The following MYO1D variants were observed in gnomAD, a reference collection of about 807,000 sequenced individuals.
MYO1D encodes unconventional myosin-Id.
A neutral mutation model predicts 122.0 loss-of-function variants in MYO1D; 83 were observed. The observed-to-expected ratio is 0.68, with a 90% CI of 0.57 to 0.82. The LOEUF (loss-of-function observed/expected upper bound fraction) is 0.82, where lower values mean the gene tolerates loss of function less well. MYO1D is among the 40% of genes least tolerant of loss of function. MYO1D has a pLI of 0.00. For synonymous variants in MYO1D, 464 were observed against 446.9 expected (o/e 1.04, Z -0.48); for missense variants, 1,157 against 1,269.5 (o/e 0.91, Z 1.35).
chr17:32,742,525 G>C (rs1437776140), intron 13 of MYO1D, among the ~76,000 whole-genome samples: 1 of 152,214 alleles, frequency 6.6e-6, no homozygotes, highest in Non-Finnish European at 1.5e-5. Context: ...TCTTGGTACA[G>C]AGACTGGCAA....
intron 1 of MYO1D, among the ~76,000 whole-genome samples, chr17:32,874,352 T>G (rs1008934830): frequency 2.7e-5 from 2 of 73,154 alleles, no homozygotes; most frequent in African/African-American, 1.5e-4. Flanking sequence ...TTTCTTCTTT[T>G]TCTTCTAAGA....
chr17:32,595,107 T>A (rs2087478749), intron 21 of MYO1D, among the ~76,000 whole-genome samples: 1 of 152,028 alleles, frequency 6.6e-6, no homozygotes, highest in African/African-American at 2.4e-5. Flanking sequence ...CTGGAATCAA[T>A]CAAGGAAAGA....
intron 2 of MYO1D, 111 bp downstream of exon 2, chr17:32,780,465 G>T (rs1598093111): frequency 4.7e-6 from 5 of 1,060,176 alleles, no homozygotes; most frequent in East Asian, 2.4e-5. Context: ...CTATAGAATT[G>T]CTCAGGCTTC....
At chr17:32,576,389 T>C (rs1267547716) in intron 21 of MYO1D, among the ~76,000 whole-genome samples, 1 of 152,166 alleles carries the variant, frequency 6.6e-6, no homozygotes, top group Non-Finnish European at 1.5e-5. Context: ...TGAGGACAAT[T>C]GTGACTATCT....
intron 21 of MYO1D, among the ~76,000 whole-genome samples, chr17:32,560,022 C>T (rs550066508): frequency 1.3e-5 from 2 of 152,160 alleles, no homozygotes; most frequent in African/African-American, 4.8e-5. Flanking sequence ...TTTGGGAGGC[C>T]AAGGCGGGCA....
chr17:32,572,824 C>T (rs965864074), intron 21 of MYO1D, among the ~76,000 whole-genome samples: 5 of 151,988 alleles, frequency 3.3e-5, no homozygotes, highest in African/African-American at 4.8e-5. Flanking sequence ...TCCTTCTTCT[C>T]GTCATTCAAA....
chr17:32,540,421 A>C (rs1910802935), intron 21 of MYO1D, among the ~76,000 whole-genome samples: 1 of 151,974 alleles, frequency 6.6e-6, no homozygotes, highest in Admixed American at 6.6e-5. Flanking sequence ...ACTTGTATCT[A>C]GACTACATAA....
intron 21 of MYO1D, 109 bp from the exon 22 acceptor site, chr17:32,495,024 A>C (rs1387998130): frequency 2.3e-6 from 3 of 1,329,836 alleles, no homozygotes; most frequent in Non-Finnish European, 3.1e-6. Context: ...TGCTTCCTCC[A>C]CAAGTGCCAG....
Position 32,876,837 on chromosome 17 carries a change from T to C in MYO1D, c.36A>G (p.Ala12=). ...AGACGGTGTCCATCAGCACGAAGTCTGCCTTGCCGAATTCCAGGCTCTCCT... is the reference window on the plus strand; with the variant it reads ...AGACGGTGTCCATCAGCACGAAGTCCGCCTTGCCGAATTCCAGGCTCTCCT... ...AEQESLEFGK[A]DFVLMDTVSM... Residue 12 remains alanine (A), a synonymous_variant, in exon 1 of 22, where the codon GCA becomes GCG. Coordinates refer to ENST00000318217, the MANE Select transcript of MYO1D (RefSeq NM_015194.3). 1 of 1,520,332 alleles carries C rather than the reference T, an allele frequency of 6.6e-7. No homozygotes were observed. The highest frequency in any genetic ancestry group is 8.8e-7 in the Non-Finnish European group (1 of 1,134,122). The allele number at this position is 1,520,332 out of a possible 1,614,324, so 94.2% of individuals were successfully genotyped here. A position where few individuals can be genotyped will look rare whatever the true frequency, so the allele number is the denominator to read the frequency against.
chr17:32,715,653 AAAAT>A (rs2089435334), intron 15 of MYO1D, among the ~76,000 whole-genome samples: 1 of 152,114 alleles, frequency 6.6e-6, no homozygotes. Flanking sequence ...TATAAAAACA[AAAAT>A]ATGTATATTT....
intron 1 of MYO1D, among the ~76,000 whole-genome samples, chr17:32,790,687 T>C (rs924529031): frequency 6.6e-6 from 1 of 152,206 alleles, no homozygotes; most frequent in African/African-American, 2.4e-5. Flanking sequence ...AGACTTTTCA[T>C]TGCTGGAGAA....
chr17:32,807,087 T>G (rs2090521098), intron 1 of MYO1D, among the ~76,000 whole-genome samples: 1 of 152,224 alleles, frequency 6.6e-6, no homozygotes, highest in Admixed American at 6.5e-5. Context: ...TTTCTCAAAC[T>G]TGAATTTATT....
intron 1 of MYO1D, among the ~76,000 whole-genome samples, chr17:32,866,683 G>C (rs2091128050): frequency 6.6e-6 from 1 of 152,190 alleles, no homozygotes; most frequent in African/African-American, 2.4e-5. Context: ...GGAGAATTTG[G>C]GGCAGCATAA....
chr17:32,535,443 G>A (rs1438945444), intron 21 of MYO1D, among the ~76,000 whole-genome samples: 1 of 152,196 alleles, frequency 6.6e-6, no homozygotes, highest in East Asian at 1.9e-4. Flanking sequence ...CATTTGAAGA[G>A]AGAAACAATA....
At chr17:32,829,588 G>A (rs2090753547) in intron 1 of MYO1D, among the ~76,000 whole-genome samples, 1 of 152,120 alleles carries the variant, frequency 6.6e-6, no homozygotes, top group Non-Finnish European at 1.5e-5. Context: ...CAAGTAGCTG[G>A]GACTACAGAA....
rs1908974558 is a variant in MYO1D, at chr17:32,493,722, G to A, written c.*1037C>T. On this transcript the variant is annotated 3_prime_UTR_variant, in exon 22 of 22. Coordinates refer to ENST00000318217, the MANE Select transcript of MYO1D (RefSeq NM_015194.3). ...CCAGTTTCACGGGCGCAGGCCCCAAGGGGCCGTGTAGAGGGCGGGGTGGGC... is the reference window on the plus strand; with the variant it reads ...CCAGTTTCACGGGCGCAGGCCCCAAAGGGCCGTGTAGAGGGCGGGGTGGGC... 6.6e-6 allele frequency: 1 copy of A among 152,342 alleles called. No homozygotes were observed. Among genetic ancestry groups the A allele is most frequent in the Non-Finnish European group, 1.5e-5 (1 of 68,134 alleles). The allele number at this position is 152,342 out of a possible 1,614,324, so 9.4% of individuals were successfully genotyped here. A position where few individuals can be genotyped will look rare whatever the true frequency, so the allele number is the denominator to read the frequency against.
chr17:32,732,708 A>C (rs983551927), intron 14 of MYO1D, among the ~76,000 whole-genome samples: 9 of 152,130 alleles, frequency 5.9e-5, no homozygotes, highest in Non-Finnish European at 1.3e-4. Flanking sequence ...CAGGACAACA[A>C]CTCAGAATCC....
intron 20 of MYO1D, among the ~76,000 whole-genome samples, chr17:32,616,889 C>T (rs187141670): frequency 2.6e-5 from 4 of 152,244 alleles, no homozygotes; most frequent in Admixed American, 2.6e-4. Context: ...GTTTTGAGCA[C>T]TAAGTCAGCT....
chr17:32,762,868 T>A, intron 8 of MYO1D, among the ~76,000 whole-genome samples: 1 of 115,426 alleles, frequency 8.7e-6, no homozygotes, highest in Non-Finnish European at 1.7e-5. Context: ...AGAGACACCG[T>A]CTCAAAAAAA....
Sources: gnomAD v4.1 joint callset for allele counts (sites outside exome capture counted in the v4.1 genomes callset) on GRCh38, gnomAD v4.1.1 for gene constraint, MANE v1.5 for transcripts, NCBI Gene and HGNC (gene_info 2026-07-23, HGNC 2026-07-21) for gene names.